Variants in PRDM11 observed in about 807,000 individuals in gnomAD.
PRDM11 encodes PR/SET domain 11.
PRDM11 carries 20 observed loss-of-function variants against 97.8 expected under a neutral mutation model. The observed-to-expected ratio is 0.20, with a 90% CI of 0.14 to 0.30. PRDM11 has a LOEUF of 0.30. Among genes scored for constraint, PRDM11 ranks in the 10% least tolerant of loss-of-function variants. The pLI is 1.00. For missense variants in PRDM11, 1,139 were observed against 1,555.2 expected (o/e 0.73, Z 4.50); for synonymous variants, 599 against 637.7 (o/e 0.94, Z 0.91).
At chr11:45,163,371 G>C (rs1463539206) in intron 1 of PRDM11, among the ~76,000 whole-genome samples, 1 of 152,168 alleles carries the variant, frequency 6.6e-6, no homozygotes, top group Admixed American at 6.5e-5. Context: ...CTTGGACAAG[G>C]TCCCACAGGC....
rs115143919 is a variant in PRDM11, at chr11:45,224,290, T to A, written c.816T>A (p.His272Gln). The change falls in exon 7 of 8, where the codon CAT (histidine) becomes CAA (glutamine). Residue 272 changes from histidine to glutamine, a missense_variant. Physicochemically the swap from His to Gln is conservative, Grantham distance 24. Transcript: ENST00000683152. Reference sequence around the variant, plus strand: ...CAGAAGACCTGAGGGGTCCCATTCATCTCTCTGTGCTGAGACAGGGCAAAA... The same window carrying A: ...CAGAAGACCTGAGGGGTCCCATTCAACTCTCTGTGCTGAGACAGGGCAAAA... The part of the protein sequence containing the change: ...DNPEDLRGPI[H>Q]LSVLRQGKSP... 8.0e-4 allele frequency: 1,286 copies of A among 1,614,032 alleles called. 10 individuals are homozygous for A. In the African/African-American group the frequency reaches 0.015, roughly 19 times the overall value.
intron 1 of PRDM11, among the ~76,000 whole-genome samples, chr11:45,161,931 C>T (rs1851938751): frequency 6.6e-6 from 1 of 152,254 alleles, no homozygotes; most frequent in South Asian, 2.1e-4. Context: ...TCACCACCGG[C>T]AGGGCTGGGA....
chr11:45,142,105 G>T (rs1045989330), upstream of PRDM11, among the ~76,000 whole-genome samples: 1 of 152,218 alleles, frequency 6.6e-6, no homozygotes. Flanking sequence ...CTGGGACTCA[G>T]TAAATGTTTA....
chr11:45,206,393 T>C (rs530227918), intron 5 of PRDM11, among the ~76,000 whole-genome samples: 60 of 152,328 alleles, frequency 3.9e-4, no homozygotes, highest in Middle Eastern at 3.4e-3. Flanking sequence ...CTAGTCAGGC[T>C]GTTGGGCGGC....
rs1019378078 is a variant in PRDM11 at position 45,233,880 on chromosome 11, T to A, written c.*5721T>A. 26 of 152,312 alleles carry A rather than the reference T, an allele frequency of 1.7e-4. No individual in the cohort carries two copies. Among genetic ancestry groups the A allele is most frequent in the African/African-American group, 6.3e-4 (26 of 41,466 alleles). 9.4% of individuals were successfully genotyped at this position (152,312 alleles called of 1,614,324 possible). On this transcript the variant is annotated 3_prime_UTR_variant, in exon 8 of 8. Transcript: ENST00000683152. The stretch of plus-strand genomic sequence containing the variant: ...GGCCCAGCCCGCTCCGCGCAGCAGC[T>A]GCTGCTGGCTGTACTCAGGACAACG...
intron 6 of PRDM11, among the ~76,000 whole-genome samples, chr11:45,222,762 A>G (rs939394635): frequency 6.6e-6 from 1 of 152,202 alleles, no homozygotes; most frequent in Non-Finnish European, 1.5e-5. Context: ...CTTATTGGCA[A>G]ACCCTTGGCC....
At chr11:45,146,346 G>A (rs1439412218), upstream of PRDM11, among the ~76,000 whole-genome samples, 26 of 152,206 alleles carry the variant, frequency 1.7e-4, no homozygotes, top group Admixed American at 1.7e-3. Flanking sequence ...ATTAAAATTT[G>A]AGAACTTTTA....
chr11:45,100,684 C>T (rs1377872647), intron 1 of PRDM11, among the ~76,000 whole-genome samples: 2 of 152,230 alleles, frequency 1.3e-5, no homozygotes, highest in Non-Finnish European at 2.9e-5. Context: ...GCTTCCCATC[C>T]TCAACCGGGC....
intron 1 of PRDM11, among the ~76,000 whole-genome samples, chr11:45,116,727 A>G (rs1852311479): frequency 6.6e-6 from 1 of 152,224 alleles, no homozygotes; most frequent in Non-Finnish European, 1.5e-5. Context: ...GCAGTCCTAG[A>G]AAACTAATAT....
intron 1 of PRDM11, among the ~76,000 whole-genome samples, chr11:45,168,235 G>A (rs747461374): frequency 2.4e-4 from 37 of 152,288 alleles, no homozygotes; most frequent in Non-Finnish European, 4.3e-4. Context: ...GCTGTGGGCC[G>A]TGGTCAGGTT....
At chr11:45,217,320 T>C (rs944139316) in intron 5 of PRDM11, among the ~76,000 whole-genome samples, 14 of 152,144 alleles carry the variant, frequency 9.2e-5, no homozygotes, top group Non-Finnish European at 1.5e-5. Context: ...TTCTCTTAAG[T>C]CCTTTGTTAA....
rs542973680 is a variant in PRDM11 at position 45,100,271 on chromosome 11, G to A, written c.96+4370G>A. ...TTGTCCTTAAAATCCGAGTGACTGA[G>A]ACCTCTTTGTACCTTTCAGAACCTT... On this transcript the variant is annotated intron_variant, in intron 1 of 6. Coordinates refer to the PRDM11 transcript ENST00000530656. Among the ~76,000 whole-genome samples, 5 of 152,292 alleles carry A rather than the reference G, an allele frequency of 3.3e-5. No individual in the cohort carries two copies. In the East Asian group the frequency reaches 9.7e-4, roughly 29 times the overall value.
chr11:45,227,609 C>T lies in PRDM11; in HGVS notation c.2984C>T (p.Pro995Leu). The change falls in exon 8 of 8, where the codon CCC (proline) becomes CTC (leucine). Residue 995 changes from proline (P) to leucine (L), a missense_variant. Physicochemically the swap from Pro to Leu is moderately conservative, Grantham distance 98. Coordinates refer to ENST00000683152, the MANE Select transcript of PRDM11 (RefSeq NM_001384648.1). This position sits in a 1 kb window ranked among gnomAD's most constrained non-coding sequence, Gnocchi z 8.0. ...ACQVFDLAAW[P>L]RSSEELMSYG... ...CAGGTGTTTGACCTGGCTGCCTGGC[C>T]CAGGAGCAGTGAGGAGCTGATGAGC... The T allele has an allele frequency of 6.5e-7, 1 of 1,533,892 alleles. No individual in the cohort carries two copies. The highest frequency in any genetic ancestry group is 8.7e-7 in the Non-Finnish European group (1 of 1,146,726).
chr11:45,095,167 G>C (rs765930258), upstream of PRDM11, among the ~76,000 whole-genome samples: 2 of 152,156 alleles, frequency 1.3e-5, no homozygotes, highest in Non-Finnish European at 2.9e-5. Flanking sequence ...GTCACTGGCT[G>C]CCTCCCCCAA....
chr11:45,103,608 C>A (rs974947406), intron 1 of PRDM11, among the ~76,000 whole-genome samples: 8 of 151,744 alleles, frequency 5.3e-5, no homozygotes, highest in African/African-American at 1.7e-4. Flanking sequence ...CTTGAGGGGG[C>A]CTTTGAGGGT....
Position 45,219,538 on chromosome 11 carries a change from G to A in PRDM11, c.555-32G>A, listed in dbSNP as rs559003264. 20 of 1,584,240 alleles carry A rather than the reference G, an allele frequency of 1.3e-5. No individual in the cohort carries two copies. Among genetic ancestry groups the A allele is most frequent in the East Asian group, 1.1e-4 (5 of 44,574 alleles). On this transcript the variant is annotated intron_variant, in intron 5 of 7. Coordinates refer to ENST00000683152, the MANE Select transcript of PRDM11 (RefSeq NM_001384648.1). The surrounding 1 kb of genome is among the most constrained non-coding windows in gnomAD (Gnocchi z 4.2). ...GCGGGCACTCAACAAAGGGTGGCCC[G>A]TGCGTTCTCACCTGTCTCCCCTCCC...
intron 1 of PRDM11, among the ~76,000 whole-genome samples, chr11:45,101,555 CAAAA>C (rs1172482163): frequency 4.9e-5 from 3 of 61,680 alleles, no homozygotes; most frequent in African/African-American, 1.7e-4. Flanking sequence ...CACTCTGTCT[CAAAA>C]AAAAAAAAAA....
chr11:45,163,195 CAA>C (rs924272901), intron 1 of PRDM11, among the ~76,000 whole-genome samples: 1 of 152,202 alleles, frequency 6.6e-6, no homozygotes, highest in East Asian at 1.9e-4. Context: ...TTCCTCCGGG[CAA>C]AACCAGGGGA....
intron 1 of PRDM11, among the ~76,000 whole-genome samples, chr11:45,136,149 T>C (rs111799301): frequency 1.3e-5 from 2 of 152,338 alleles, no homozygotes; most frequent in African/African-American, 2.4e-5. Flanking sequence ...CTCTTTGTAA[T>C]AGCTTTGCCA....
Sources: allele counts gnomAD v4.1 joint callset (sites outside exome capture counted in the v4.1 genomes callset), GRCh38; gene constraint gnomAD v4.1.1; non-coding constraint Gnocchi (gnomAD v3.1); transcripts MANE v1.5; gene names NCBI Gene and HGNC (gene_info 2026-07-23, HGNC 2026-07-21).